The following TARBP2 variants were observed in gnomAD, a reference collection of about 807,000 sequenced individuals.
TARBP2 encodes RISC-loading complex subunit TARBP2.
In TARBP2, 23 loss-of-function variants were observed where a neutral mutation model predicts 40.4. The observed-to-expected ratio is 0.57, with a 90% CI of 0.41 to 0.81. The LOEUF (loss-of-function observed/expected upper bound fraction) is 0.81, where lower values mean the gene tolerates loss of function less well. Among genes scored for constraint, TARBP2 ranks in the 30% least tolerant of loss-of-function variants. The probability of loss-of-function intolerance (pLI) is 0.00; values close to 1 mark genes in which losing one functional copy is unlikely to be tolerated. For missense variants in TARBP2, 358 were observed against 473.7 expected (o/e 0.76, Z 2.27); for synonymous variants, 183 against 190.5 (o/e 0.96, Z 0.32).
chr12:53,504,356 AAC>A, intron 4 of TARBP2, 39 bp from the exon 5 acceptor site: 1 of 1,513,168 alleles, frequency 6.6e-7, no homozygotes, highest in Non-Finnish European at 8.8e-7. Context: ...GCTCAGATGG[AAC>A]CCTTCACCTC....
In TARBP2 at chr12:53,505,891, T is replaced by C. The variant is rs764253791; in HGVS notation, c.943+41T>C. 2.5e-6 allele frequency: 4 copies of C among 1,608,074 alleles called. No individual in the cohort carries two copies. The East Asian group carries it at 8.9e-5, about 36-fold the overall frequency. ...GAGCGAGCCAGGGGATGGTGGGGGCTGGACCGGAGCAAGTAGAAGGGGGTG... is the reference window on the plus strand; with the variant it reads ...GAGCGAGCCAGGGGATGGTGGGGGCCGGACCGGAGCAAGTAGAAGGGGGTG... On this transcript the variant is annotated intron_variant, in intron 8 of 8. Transcript: ENST00000266987. This position sits in a 1 kb window ranked among gnomAD's most constrained non-coding sequence, Gnocchi z 4.5.
Position 53,506,154 on chromosome 12 carries a change from C to A in TARBP2, c.*6C>A. On this transcript the variant is annotated 3_prime_UTR_variant, in exon 9 of 9. Coordinates refer to ENST00000266987, the MANE Select transcript of TARBP2 (RefSeq NM_134323.2). ...TCATGGCAGGCAGCAAGTGAAGCCCCAGCTGGACTCATGGATGTGCACCCT... is the reference window on the plus strand; with the variant it reads ...TCATGGCAGGCAGCAAGTGAAGCCCAAGCTGGACTCATGGATGTGCACCCT... The A allele has an allele frequency of 6.2e-7, 1 of 1,612,790 alleles. No homozygotes were observed. The highest frequency in any genetic ancestry group is 8.5e-7 in the Non-Finnish European group (1 of 1,179,524).
At chr12:53,502,393 C>A in intron 2 of TARBP2, 1 of 610,052 alleles carries the variant, frequency 1.6e-6, no homozygotes, top group East Asian at 2.9e-5. Context: ...AGCAGGACTC[C>A]CACAGTGATC....
intron 1 of TARBP2, 66 bp downstream of exon 1, chr12:53,501,527 G>A (rs1943705668): frequency 1.9e-6 from 3 of 1,547,548 alleles, no homozygotes; most frequent in Admixed American, 2.0e-5. Flanking sequence ...GAGTAGCGGC[G>A]CGGCCCCAGC....
upstream of TARBP2, chr12:53,501,272 C>G (rs1036730656): frequency 5.7e-6 from 5 of 880,176 alleles, no homozygotes; most frequent in African/African-American, 1.7e-5. Flanking sequence ...GGGCGGGGGA[C>G]TCCATATCCC....
chr12:53,501,244 A>C (rs1204236491), upstream of TARBP2: 2 of 705,340 alleles, frequency 2.8e-6, no homozygotes, highest in Non-Finnish European at 2.4e-6. Flanking sequence ...CTCCAGATGG[A>C]GGCTCACGAA....
Position 53,505,119 on chromosome 12 carries a change from C to G in TARBP2, c.614-16C>G. The G allele has an allele frequency of 1.9e-6, 3 of 1,593,418 alleles. No individual in the cohort carries two copies. The highest frequency in any genetic ancestry group is 1.7e-6 in the Non-Finnish European group (2 of 1,164,766). ...TGTGGGGAATCATAACCCAGCAGCC[C>G]TCTCTCCACATGCAGGGAGTGGCAC... On this transcript the variant is annotated splice_polypyrimidine_tract_variant and intron_variant, in intron 6 of 8. Transcript: ENST00000266987. This position sits in a 1 kb window ranked among gnomAD's most constrained non-coding sequence, Gnocchi z 4.5.
chr12:53,504,877 A>G lies in TARBP2; in HGVS notation c.613+62A>G, dbSNP rs1943897365. On this transcript the variant is annotated intron_variant, in intron 6 of 8. Coordinates refer to ENST00000266987, the MANE Select transcript of TARBP2 (RefSeq NM_134323.2). ...CCGCAGCACTCTGGCCCCAGCCACAAAGCAGCTCCTGGCCTCACTCTGCTA... is the reference window on the plus strand; with the variant it reads ...CCGCAGCACTCTGGCCCCAGCCACAGAGCAGCTCCTGGCCTCACTCTGCTA... The G allele has an allele frequency of 6.9e-6, 11 of 1,587,956 alleles. No individual in the cohort carries two copies. The East Asian group carries it at 2.0e-4, about 29-fold the overall frequency.
Position 53,501,653 on chromosome 12 carries a change from G to C in TARBP2, c.53+192G>C, listed in dbSNP as rs1943715552. On this transcript the variant is annotated intron_variant, in intron 1 of 8. Transcript: ENST00000266987. ...GCTCTAAATAGTTTGGGGTTGGCCC[G>C]GTTCCCAGACTGCACTGGAACACTG... The C allele has an allele frequency of 1.5e-5, 21 of 1,446,376 alleles. No individual in the cohort carries two copies. In the East Asian group the frequency reaches 2.8e-4, roughly 19 times the overall value. The allele number at this position is 1,446,376 out of a possible 1,614,324, so 89.6% of individuals were successfully genotyped here. A position where few individuals can be genotyped will look rare whatever the true frequency, so the allele number is the denominator to read the frequency against.
intron 5 of TARBP2, 52 bp from the exon 6 acceptor site, chr12:53,504,646 G>T (rs754665454): frequency 1.9e-6 from 3 of 1,614,042 alleles, no homozygotes; most frequent in Non-Finnish European, 2.5e-6. Flanking sequence ...CAGCGTGGGT[G>T]TGAGAAGCCT....
Position 53,503,046 on chromosome 12 carries a change from G to A in TARBP2, c.243G>A (p.Lys81=), listed in dbSNP as rs1943791137. ...TCTCAGGTCAGGGCCCCAGCAAGAA[G>A]GCAGCCAAGCACAAGGCAGCTGAGG... The part of the protein sequence containing the change: ...TSCTGQGPSK[K]AAKHKAAEVA... The change falls in exon 3 of 9, where the codon AAG becomes AAA. Residue 81 remains lysine (K), a synonymous_variant. Coordinates refer to ENST00000266987, the MANE Select transcript of TARBP2 (RefSeq NM_134323.2). The A allele has an allele frequency of 6.4e-7, 1 of 1,550,704 alleles. No homozygotes were observed. The highest frequency in any genetic ancestry group is 1.2e-5 in the South Asian group (1 of 83,898).
In TARBP2 at chr12:53,504,477, C is replaced by T; in HGVS notation, c.495+8C>T. ...CCCGTTGGTGCTCTGCAGGTGTGTCCCATCCTCATTTCCCATGCATGCCTG... is the reference window on the plus strand; with the variant it reads ...CCCGTTGGTGCTCTGCAGGTGTGTCTCATCCTCATTTCCCATGCATGCCTG... On this transcript the variant is annotated splice_region_variant and intron_variant, in intron 5 of 8. Transcript: ENST00000266987. 1 of 1,613,310 alleles carries T rather than the reference C, an allele frequency of 6.2e-7. No individual in the cohort carries two copies. Among genetic ancestry groups the T allele is most frequent in the Non-Finnish European group, 8.5e-7 (1 of 1,179,574 alleles).
In TARBP2 at chr12:53,505,227, A is replaced by T; in HGVS notation, c.706A>T (p.Asn236Tyr). ...GGTGCCTCTGGATGCCCGGGATGGC[A>T]ATGAGGTGGAGCCTGATGATGACCA... ...HTVPLDARDG[N>Y]EVEPDDDHFS... The change falls in exon 7 of 9, where the codon AAT (asparagine) becomes TAT (tyrosine). Residue 236 changes from asparagine to tyrosine, a missense_variant. Transcript: ENST00000266987. This position sits in a 1 kb window ranked among gnomAD's most constrained non-coding sequence, Gnocchi z 4.5. 1 of 1,609,184 alleles carries T rather than the reference A, an allele frequency of 6.2e-7. No individual in the cohort carries two copies. Among genetic ancestry groups the T allele is most frequent in the Non-Finnish European group, 8.5e-7 (1 of 1,175,958 alleles).
At chr12:53,504,287 A>G in intron 4 of TARBP2, 110 bp from the exon 5 acceptor site, 2 of 1,020,534 alleles carry the variant, frequency 2.0e-6, no homozygotes, top group Non-Finnish European at 2.8e-6. Context: ...CACCCGGTGG[A>G]ATCGGGAGAT....
chr12:53,505,973 C>T lies in TARBP2; in HGVS notation c.944-18C>T. ...TACCTCCCCCAACATTGCCTCCCTC[C>T]TCTCTCTTGCTCTCCAGAGGAGCTG... On this transcript the variant is annotated intron_variant, in intron 8 of 8. Coordinates refer to ENST00000266987, the MANE Select transcript of TARBP2 (RefSeq NM_134323.2). This position sits in a 1 kb window ranked among gnomAD's most constrained non-coding sequence, Gnocchi z 4.5. The T allele has an allele frequency of 6.2e-7, 1 of 1,610,932 alleles. No homozygotes were observed. Among genetic ancestry groups the T allele is most frequent in the Non-Finnish European group, 8.5e-7 (1 of 1,177,510 alleles).
At chr12:53,501,600 T>A in intron 1 of TARBP2, 139 bp downstream of exon 1, 1 of 1,479,840 alleles carries the variant, frequency 6.8e-7, no homozygotes, top group Non-Finnish European at 9.0e-7. Context: ...GTTCCCGGCG[T>A]GCACCGGGGC....
At position 53,505,953 on chromosome 12, in the gene TARBP2, C is replaced by A. The variant is rs778754147; in HGVS notation, c.944-38C>A. On this transcript the variant is annotated intron_variant, in intron 8 of 8. Transcript: ENST00000266987. This position sits in a 1 kb window ranked among gnomAD's most constrained non-coding sequence, Gnocchi z 4.5. ...AACGCACCCCTCCCCAGGGCTACCT[C>A]CCCCAACATTGCCTCCCTCCTCTCT... 2 of 1,606,788 alleles carry A rather than the reference C, an allele frequency of 1.2e-6. No individual in the cohort carries two copies. Among genetic ancestry groups the A allele is most frequent in the Non-Finnish European group, 1.7e-6 (2 of 1,174,374 alleles).
At chr12:53,503,593 T>G in intron 3 of TARBP2, 120 bp from the exon 4 acceptor site, 1 of 725,136 alleles carries the variant, frequency 1.4e-6, no homozygotes, top group South Asian at 1.7e-5. Context: ...CCTCCCTGAT[T>G]CTTTGGCTCA....
intron 5 of TARBP2, 106 bp from the exon 6 acceptor site, chr12:53,504,592 C>G: frequency 4.4e-6 from 7 of 1,608,222 alleles, no homozygotes; most frequent in Non-Finnish European, 6.0e-6. Flanking sequence ...CCACCCCCCT[C>G]TCTCCTTCCT....
Sources: gnomAD v4.1 joint callset for allele counts on GRCh38, gnomAD v4.1.1 for gene constraint, Gnocchi (gnomAD v3.1) non-coding constraint, MANE v1.5 for transcripts, NCBI Gene and HGNC (gene_info 2026-07-23, HGNC 2026-07-21) for gene names.